Variants in NFIC observed in about 807,000 individuals in gnomAD.
NFIC encodes the protein nuclear factor 1 C-type.
In NFIC, 12 loss-of-function variants were observed where a neutral mutation model predicts 54.4. The ratio of observed to expected loss-of-function variants is 0.22; its 90% CI spans 0.14 to 0.36. The LOEUF (loss-of-function observed/expected upper bound fraction) is 0.36, where lower values mean the gene tolerates loss of function less well. Among genes scored for constraint, NFIC ranks in the 10% least tolerant of loss-of-function variants. NFIC has a pLI of 1.00. For synonymous variants in NFIC, 322 were observed against 319.2 expected (o/e 1.01, Z -0.09); for missense variants, 575 against 718.2 (o/e 0.80, Z 2.28).
rs1328621520 is a variant in NFIC at position 3,458,808 on chromosome 19, C to T, written c.1509+2173C>T. Among the ~76,000 whole-genome samples the T allele has an allele frequency of 6.6e-6, 1 of 152,030 alleles. No individual in the cohort carries two copies. The highest frequency in any genetic ancestry group is 1.5e-5 in the Non-Finnish European group (1 of 67,988). On this transcript the variant is annotated intron_variant, in intron 10 of 10. Coordinates refer to ENST00000443272, the MANE Select transcript of NFIC (RefSeq NM_001245002.2). This position sits in a 1 kb window ranked among gnomAD's most constrained non-coding sequence, Gnocchi z 4.1. ...AGGGAGGGAGTGGACACCCACCAGGCCTGGGAGTCAGAACTTTCTGGAGCA... is the reference window on the plus strand; with the variant it reads ...AGGGAGGGAGTGGACACCCACCAGGTCTGGGAGTCAGAACTTTCTGGAGCA...
chr19:3,388,284 G>A (rs1362664117), intron 2 of NFIC, among the ~76,000 whole-genome samples: 3 of 152,154 alleles, frequency 2.0e-5, no homozygotes, highest in Non-Finnish European at 4.4e-5. Context: ...GGGGAGCAAG[G>A]ACCCCAACAG....
Position 3,462,983 on chromosome 19 carries a change from A to G in NFIC, c.*214A>G. ...AGAAGAAGAAGAAGAAGAAATAAAA[A>G]CCCACCCAAGCAAGAAGACAAAAGG... On this transcript the variant is annotated 3_prime_UTR_variant, in exon 11 of 11. Transcript: ENST00000443272. 1 of 1,410,944 alleles carries G rather than the reference A, an allele frequency of 7.1e-7. No individual in the cohort carries two copies. The highest frequency in any genetic ancestry group is 9.2e-7 in the Non-Finnish European group (1 of 1,089,044). 87.4% of individuals were successfully genotyped at this position (1,410,944 alleles called of 1,614,324 possible).
intron 5 of NFIC, 132 bp from the exon 6 acceptor site, chr19:3,434,951 T>A (rs1380289942): frequency 1.1e-5 from 14 of 1,265,322 alleles, no homozygotes; most frequent in Non-Finnish European, 1.5e-5. Context: ...CGCCCGCGGC[T>A]CCCGCGATGT....
intron 1 of NFIC, among the ~76,000 whole-genome samples, chr19:3,377,333 CAAAA>C (rs71164684): frequency 2.8e-4 from 16 of 57,862 alleles, no homozygotes; most frequent in East Asian, 6.5e-4. Context: ...GACTCTGTCT[CAAAA>C]AAAAAAAAAA....
At chr19:3,404,053 G>C (rs1193844267) in intron 2 of NFIC, among the ~76,000 whole-genome samples, 3 of 124,838 alleles carry the variant, frequency 2.4e-5, no homozygotes, top group Non-Finnish European at 5.1e-5. Context: ...ATCCCTTCCC[G>C]AACCTCTCCA....
At chr19:3,455,369 A>G (rs1174176396) in intron 9 of NFIC, among the ~76,000 whole-genome samples, 1 of 149,590 alleles carries the variant, frequency 6.7e-6, no homozygotes, top group African/African-American at 2.5e-5. Context: ...GATACTGTGT[A>G]GGATCCACTC....
intron 2 of NFIC, among the ~76,000 whole-genome samples, chr19:3,397,479 C>T (rs1449690194): frequency 6.6e-6 from 1 of 152,168 alleles, no homozygotes; most frequent in Admixed American, 6.5e-5. Flanking sequence ...AACCCCTGGA[C>T]CTGGGGAATC....
intron 9 of NFIC, 103 bp from the exon 10 acceptor site, chr19:3,456,447 C>T (rs1022252139): frequency 3.0e-5 from 34 of 1,128,642 alleles, no homozygotes; most frequent in Non-Finnish European, 3.6e-5. Context: ...TGCAGAGGCC[C>T]GGCTGTGTGA....
At chr19:3,391,121 G>A (rs746548421) in intron 2 of NFIC, among the ~76,000 whole-genome samples, 17 of 151,900 alleles carry the variant, frequency 1.1e-4, no homozygotes, top group Admixed American at 3.3e-4. Flanking sequence ...GTGGTTGCAC[G>A]CACTTGTGTT....
At chr19:3,359,818 C>T (rs2080786736) in intron 1 of NFIC, 1 of 961,232 alleles carries the variant, frequency 1.0e-6, no homozygotes, top group Non-Finnish European at 1.4e-6. Context: ...AGGCGGGGAC[C>T]CCCACTCGCC....
chr19:3,367,138 C>T (rs1302319657), intron 1 of NFIC, among the ~76,000 whole-genome samples: 2 of 152,154 alleles, frequency 1.3e-5, no homozygotes, highest in Non-Finnish European at 2.9e-5. Flanking sequence ...AGGGACCTCT[C>T]ATGTGTTTTC....
intron 9 of NFIC, chr19:3,454,352 AT>A (rs1366873348): frequency 1.2e-6 from 1 of 827,764 alleles, no homozygotes; most frequent in Non-Finnish European, 1.5e-6. Context: ...TTACATAAAC[AT>A]TTCCAGAGTT....
rs901708750 is a variant in NFIC, at chr19:3,375,449, T to C, written c.31-6263T>C. Among the ~76,000 whole-genome samples, 2 of 152,146 alleles carry C rather than the reference T, an allele frequency of 1.3e-5. No individual in the cohort carries two copies. Among genetic ancestry groups the C allele is most frequent in the Non-Finnish European group, 2.9e-5 (2 of 68,022 alleles). ...GCTCTGCTGACCGGCTGTGTGACCC[T>C]GGACAAACCACTCCCCATCTCTGGG... On this transcript the variant is annotated intron_variant, in intron 1 of 10. Transcript: ENST00000443272. The surrounding 1 kb of genome is among the most constrained non-coding windows in gnomAD (Gnocchi z 4.6).
At chr19:3,389,701 G>A (rs1378865787) in intron 2 of NFIC, among the ~76,000 whole-genome samples, 10 of 152,136 alleles carry the variant, frequency 6.6e-5, no homozygotes, top group Admixed American at 6.6e-4. Context: ...GCTCACTTCC[G>A]GCCGGGCGCA....
rs1008414555 is a variant in NFIC at position 3,452,474 on chromosome 19, C to G, written c.1085-8C>G. On this transcript the variant is annotated splice_polypyrimidine_tract_variant and splice_region_variant and intron_variant, in intron 7 of 10. Coordinates refer to ENST00000443272, the MANE Select transcript of NFIC (RefSeq NM_001245002.2). This position sits in a 1 kb window ranked among gnomAD's most constrained non-coding sequence, Gnocchi z 5.3. Reference sequence around the variant, plus strand: ...CCAAGTAACCCCCGCTTCCCACTGTCTCCGCAGGGATCGCCCGGAGCCCAC... The same window carrying G: ...CCAAGTAACCCCCGCTTCCCACTGTGTCCGCAGGGATCGCCCGGAGCCCAC... The G allele has an allele frequency of 1.2e-6, 2 of 1,610,490 alleles. No homozygotes were observed. The highest frequency in any genetic ancestry group is 2.7e-5 in the African/African-American group (2 of 74,862).
chr19:3,385,016 A>ACCCCCCCCCCTCCCCC (rs2081271393), intron 2 of NFIC, among the ~76,000 whole-genome samples: 3 of 60,168 alleles, frequency 5.0e-5, no homozygotes, highest in South Asian at 5.6e-4. Context: ...GCGCCTCCCC[A>ACCCCCCCCCCTCCCCC]CCCCCACCCT....
At chr19:3,360,629 C>A (rs1364734879) in intron 1 of NFIC, among the ~76,000 whole-genome samples, 1 of 152,222 alleles carries the variant, frequency 6.6e-6, no homozygotes, top group Non-Finnish European at 1.5e-5. Context: ...TTTCTGTGTC[C>A]GCGTGTGTCT....
At chr19:3,359,826 G>T in intron 1 of NFIC, 5 of 886,416 alleles carry the variant, frequency 5.6e-6, no homozygotes, top group Middle Eastern at 4.1e-4. Flanking sequence ...ACCCCCACTC[G>T]CCAGTCGCCA....
chr19:3,449,776 G>A (rs1402583390), intron 7 of NFIC, among the ~76,000 whole-genome samples: 3 of 137,746 alleles, frequency 2.2e-5, no homozygotes, highest in African/African-American at 9.0e-5. Flanking sequence ...AAAAAAAAAA[G>A]CTAGGCTTGG....
Sources: allele counts gnomAD v4.1 joint callset (sites outside exome capture counted in the v4.1 genomes callset), GRCh38; gene constraint gnomAD v4.1.1; non-coding constraint Gnocchi (gnomAD v3.1); transcripts MANE v1.5; gene names NCBI Gene and HGNC (gene_info 2026-07-23, HGNC 2026-07-21).